The following KHDRBS2 variants were observed in gnomAD, a reference collection of about 807,000 sequenced individuals.
KHDRBS2 encodes the protein KH RNA binding domain containing, signal transduction associated 2.
KHDRBS2 carries 26 observed loss-of-function variants against 44.3 expected under a neutral mutation model. That is an observed-to-expected ratio of 0.59 (90% CI 0.43 to 0.81). The LOEUF (loss-of-function observed/expected upper bound fraction) is 0.81. KHDRBS2 is among the 40% of genes least tolerant of loss of function. The pLI, the probability that KHDRBS2 is intolerant of heterozygous loss-of-function variation, is 0.00. For synonymous variants in KHDRBS2, 194 were observed against 151.1 expected (o/e 1.28, Z -2.08); for missense variants, 476 against 433.1 (o/e 1.10, Z -0.88).
intron 1 of KHDRBS2, among the ~76,000 whole-genome samples, chr6:62,233,793 T>C (rs1212757705): frequency 1.3e-5 from 2 of 152,140 alleles, no homozygotes; most frequent in Non-Finnish European, 2.9e-5. Context: ...TCTAGCTCCA[T>C]CAATGTTCCT....
intron 3 of KHDRBS2, among the ~76,000 whole-genome samples, chr6:62,001,595 CATT>C (rs1778251164): frequency 1.3e-5 from 2 of 152,008 alleles, no homozygotes; most frequent in South Asian, 4.2e-4. Flanking sequence ...TTCTTAATAA[CATT>C]ATTATTTTAA....
At chr6:61,614,302 A>G in the KHDRBS2 span, among the ~76,000 whole-genome samples, 4 of 152,196 alleles carry the variant, frequency 2.6e-5, no homozygotes, top group African/African-American at 7.2e-5. Flanking sequence ...TGGTAGTAAC[A>G]TAAATAGTCA....
At chr6:61,718,448 T>G (rs912014905) in intron 7 of KHDRBS2, among the ~76,000 whole-genome samples, 2 of 152,132 alleles carry the variant, frequency 1.3e-5, no homozygotes, top group African/African-American at 2.4e-5. Context: ...TGAAGTGTGA[T>G]AAAAATTTTA....
chr6:61,888,757 T>G (rs1372372619), intron 6 of KHDRBS2, among the ~76,000 whole-genome samples: 1 of 151,890 alleles, frequency 6.6e-6, no homozygotes, highest in African/African-American at 2.4e-5. Flanking sequence ...GAGATGGGGT[T>G]TCACCGTGTT....
intron 6 of KHDRBS2, among the ~76,000 whole-genome samples, chr6:61,873,938 T>TG (rs1284313090): frequency 6.6e-6 from 1 of 151,934 alleles, no homozygotes; most frequent in Non-Finnish European, 1.5e-5. Context: ...CAAAGATGCA[T>TG]GGGGGGCATT....
intron 1 of KHDRBS2, among the ~76,000 whole-genome samples, chr6:62,218,653 A>C (rs1369179111): frequency 6.6e-6 from 1 of 151,836 alleles, no homozygotes; most frequent in Non-Finnish European, 1.5e-5. Flanking sequence ...TAAAAGTAAA[A>C]ACTAGCAATC....
chr6:62,129,903 A>G (rs575158439), intron 2 of KHDRBS2, among the ~76,000 whole-genome samples: 1 of 152,268 alleles, frequency 6.6e-6, no homozygotes, highest in Admixed American at 6.5e-5. Flanking sequence ...GCAATGTTCT[A>G]GATGTTTAAT....
At chr6:62,066,745 A>G (rs1391810605) in intron 2 of KHDRBS2, among the ~76,000 whole-genome samples, 1 of 151,670 alleles carries the variant, frequency 6.6e-6, no homozygotes, top group Admixed American at 6.6e-5. Context: ...GAAGCAAATG[A>G]AACAATAATC....
chr6:62,280,326 T>A (rs1040075895), intron 1 of KHDRBS2, among the ~76,000 whole-genome samples: 1 of 152,006 alleles, frequency 6.6e-6, no homozygotes, highest in African/African-American at 2.4e-5. Context: ...ATTGTGTGTG[T>A]TGGTGTGGGA....
At chr6:61,703,528 G>A (rs1769015927) in intron 7 of KHDRBS2, among the ~76,000 whole-genome samples, 1 of 151,726 alleles carries the variant, frequency 6.6e-6, no homozygotes, top group Non-Finnish European at 1.5e-5. Flanking sequence ...CATTTATATT[G>A]TATTGATAGA....
chr6:61,627,070 G>A, the KHDRBS2 span, among the ~76,000 whole-genome samples: 3 of 151,284 alleles, frequency 2.0e-5, no homozygotes, highest in Admixed American at 6.6e-5. Flanking sequence ...TGGCTAACAC[G>A]GTGAAACCCC....
At chr6:62,061,709 G>C (rs1003680314) in intron 2 of KHDRBS2, among the ~76,000 whole-genome samples, 1 of 150,640 alleles carries the variant, frequency 6.6e-6, no homozygotes, top group African/African-American at 2.4e-5. Flanking sequence ...TCCTGAATCT[G>C]AACGTTGGCC....
intron 6 of KHDRBS2, among the ~76,000 whole-genome samples, chr6:61,822,877 A>C (rs575226624): frequency 6.6e-6 from 1 of 152,164 alleles, no homozygotes; most frequent in Admixed American, 6.6e-5. Context: ...ATGATAAGTC[A>C]TATTATTTCT....
intron 2 of KHDRBS2, among the ~76,000 whole-genome samples, chr6:62,099,464 G>T (rs1460652860): frequency 1.3e-5 from 2 of 152,164 alleles, no homozygotes; most frequent in Admixed American, 1.3e-4. Flanking sequence ...CGGTTGGTGT[G>T]TTGTTCCCTA....
At chr6:61,966,072 G>T in intron 4 of KHDRBS2, among the ~76,000 whole-genome samples, 1 of 151,854 alleles carries the variant, frequency 6.6e-6, no homozygotes, top group East Asian at 1.9e-4. Context: ...TGATATCAGG[G>T]GAAAATAAAT....
At chr6:61,667,383 TAAA>T in the KHDRBS2 span, among the ~76,000 whole-genome samples, 5 of 151,206 alleles carry the variant, frequency 3.3e-5, no homozygotes, top group African/African-American at 1.2e-4. Flanking sequence ...CTTCCCCAGC[TAAA>T]GTTTTATGCA....
At position 62,152,735 on chromosome 6, in the gene KHDRBS2, C is replaced by T. The variant is rs187405562; in HGVS notation, c.219+24450G>A. The stretch of plus-strand genomic sequence containing the variant: ...TTTATCCCTTTGCCACCTGCTTGCT[C>T]CACAGAGATGGCTGGTATAAATTGG... On this transcript the variant is annotated intron_variant, in intron 2 of 8. Transcript: ENST00000281156. Among the ~76,000 whole-genome samples the T allele has an allele frequency of 2.9e-3, 440 of 152,262 alleles. 2 individuals carry two copies. The highest frequency in any genetic ancestry group is 5.1e-3 in the Non-Finnish European group (350 of 68,022).
At chr6:61,726,563 C>A (rs966404476) in intron 7 of KHDRBS2, among the ~76,000 whole-genome samples, 1 of 152,136 alleles carries the variant, frequency 6.6e-6, no homozygotes, top group East Asian at 1.9e-4. Context: ...TAATAAGCAA[C>A]TTCAGCAAAG....
At chr6:62,200,069 T>C (rs1435081837) in intron 1 of KHDRBS2, among the ~76,000 whole-genome samples, 6 of 152,218 alleles carry the variant, frequency 3.9e-5, no homozygotes, top group African/African-American at 1.2e-4. Flanking sequence ...CCTTACACCT[T>C]ATACAAAAAT....
Sources: gnomAD v4.1 joint callset for allele counts (sites outside exome capture counted in the v4.1 genomes callset) on GRCh38, gnomAD v4.1.1 for gene constraint, MANE v1.5 for transcripts, NCBI Gene and HGNC (gene_info 2026-07-23, HGNC 2026-07-21) for gene names.